Variants in AGBL4 observed in about 807,000 individuals in gnomAD.
AGBL4 encodes the protein AGBL carboxypeptidase 4.
Under a neutral mutation model 66.4 loss-of-function variants are expected in AGBL4, and 58 were observed. That is an observed-to-expected ratio of 0.87 (90% confidence interval 0.71 to 1.09). AGBL4 has a LOEUF of 1.09. AGBL4 is among the 50% of genes least tolerant of loss of function. The pLI is 0.00. For missense variants in AGBL4, 579 were observed against 631.0 expected, an observed-to-expected ratio of 0.92 and a Z score of 0.88; for synonymous variants, 234 against 222.9, an observed-to-expected ratio of 1.05 and a Z score of -0.44.
intron 3 of AGBL4, among the ~76,000 whole-genome samples, chr1:49,246,614 C>G (rs1390281467): frequency 6.6e-6 from 1 of 151,684 alleles, no homozygotes; most frequent in Non-Finnish European, 1.5e-5. Flanking sequence ...ATTCTAGATG[C>G]CTTTCCAAGA....
rs796242944 is a variant in AGBL4, at chr1:49,940,367, C to T, written c.34+83396G>A. On this transcript the variant is annotated intron_variant, in intron 1 of 13. Coordinates refer to ENST00000371839, the MANE Select transcript of AGBL4 (RefSeq NM_032785.4). ...CATTACTGGGTATATACCCAAAGGACTATAAATCATGCTGCTATAAAGACA... is the reference window on the plus strand; with the variant it reads ...CATTACTGGGTATATACCCAAAGGATTATAAATCATGCTGCTATAAAGACA... 5.1e-4 allele frequency among the ~76,000 whole-genome samples: 77 copies of T among 152,190 alleles called. 1 individual carries two copies. In the South Asian group the frequency reaches 0.014, roughly 27 times the overall value.
At chr1:48,654,752 G>A (rs527916156) in intron 7 of AGBL4, among the ~76,000 whole-genome samples, 2 of 152,374 alleles carry the variant, frequency 1.3e-5, no homozygotes, top group African/African-American at 4.8e-5. Flanking sequence ...TGTGACCAGT[G>A]AGGGACATCT....
intron 6 of AGBL4, among the ~76,000 whole-genome samples, chr1:48,846,549 T>G (rs906092128): frequency 2.6e-5 from 4 of 152,244 alleles, no homozygotes; most frequent in Non-Finnish European, 4.4e-5. Flanking sequence ...TATTGCTTCA[T>G]TGCCTATAAT....
chr1:49,133,715 C>T (rs76894718), intron 4 of AGBL4, among the ~76,000 whole-genome samples: 1 of 151,938 alleles, frequency 6.6e-6, no homozygotes, highest in Non-Finnish European at 1.5e-5. Flanking sequence ...TCGGTAATAT[C>T]CCTGCTAAAT....
intron 1 of AGBL4, among the ~76,000 whole-genome samples, chr1:50,013,210 G>T (rs535381166): frequency 6.6e-6 from 1 of 152,256 alleles, no homozygotes; most frequent in Admixed American, 6.5e-5. Flanking sequence ...TTTAAAGGAA[G>T]AAATAGTCCT....
intron 6 of AGBL4, among the ~76,000 whole-genome samples, chr1:48,770,722 C>T (rs1644776807): frequency 6.6e-6 from 1 of 152,218 alleles, no homozygotes; most frequent in Non-Finnish European, 1.5e-5. Context: ...CAACCAGCTA[C>T]ACTTCCAGGG....
At chr1:49,233,389 CTAAA>C (rs1401081864) in intron 4 of AGBL4, among the ~76,000 whole-genome samples, 3 of 152,144 alleles carry the variant, frequency 2.0e-5, no homozygotes, top group African/African-American at 7.2e-5. Flanking sequence ...AAGAAATAGA[CTAAA>C]TAGAGTGAAT....
chr1:48,716,939 C>A (rs1441078662), intron 6 of AGBL4, among the ~76,000 whole-genome samples: 5 of 152,200 alleles, frequency 3.3e-5, no homozygotes, highest in Non-Finnish European at 7.3e-5. Flanking sequence ...AACTCACATT[C>A]CTATATTTTA....
chr1:49,549,304 T>G (rs1276398816), intron 3 of AGBL4, among the ~76,000 whole-genome samples: 1 of 151,658 alleles, frequency 6.6e-6, no homozygotes, highest in Non-Finnish European at 1.5e-5. Context: ...CTTGGTTATT[T>G]CCTTTTTTTC....
Position 49,730,207 on chromosome 1 carries a change from T to C in AGBL4, c.158-32770A>G, listed in dbSNP as rs991079685. Among the ~76,000 whole-genome samples, 6 of 152,080 alleles carry C rather than the reference T, an allele frequency of 3.9e-5. 1 individual carries two copies. The highest frequency in any genetic ancestry group is 8.8e-5 in the Non-Finnish European group (6 of 68,028). On this transcript the variant is annotated intron_variant, in intron 2 of 13. Transcript: ENST00000371839. The stretch of plus-strand genomic sequence containing the variant: ...GCTTTCCTGTCACTCAATAAAATTA[T>C]TTTCTGCCTTGCTCATTCTCCAGTG...
At chr1:48,956,765 A>G (rs1445384617) in intron 5 of AGBL4, among the ~76,000 whole-genome samples, 1 of 152,216 alleles carries the variant, frequency 6.6e-6, no homozygotes, top group East Asian at 1.9e-4. Flanking sequence ...TGCTGACTAG[A>G]ATAGCAGGCA....
intron 6 of AGBL4, among the ~76,000 whole-genome samples, chr1:48,772,187 G>C (rs1007129229): frequency 3.3e-5 from 5 of 152,204 alleles, no homozygotes; most frequent in African/African-American, 1.2e-4. Flanking sequence ...GCACATTCAT[G>C]ACTAATAAAA....
At chr1:49,785,597 T>C (rs992819619) in intron 2 of AGBL4, among the ~76,000 whole-genome samples, 2 of 151,944 alleles carry the variant, frequency 1.3e-5, no homozygotes, top group African/African-American at 4.8e-5. Context: ...ATGATAACAA[T>C]GATGTTCTGA....
intron 3 of AGBL4, among the ~76,000 whole-genome samples, chr1:49,690,877 C>T (rs937830500): frequency 6.6e-6 from 1 of 152,082 alleles, no homozygotes; most frequent in African/African-American, 2.4e-5. Context: ...ACTATTAACC[C>T]CACTGAATAA....
At chr1:49,766,530 A>C (rs1652744229) in intron 2 of AGBL4, among the ~76,000 whole-genome samples, 1 of 152,112 alleles carries the variant, frequency 6.6e-6, no homozygotes. Context: ...CAATACAAAC[A>C]AAACAACCAG....
intron 5 of AGBL4, among the ~76,000 whole-genome samples, chr1:48,953,227 C>T (rs1256362279): frequency 6.6e-6 from 1 of 152,194 alleles, no homozygotes; most frequent in African/African-American, 2.4e-5. Context: ...CAAAACCATA[C>T]TGCCAAAGTA....
rs72899152 is a variant in AGBL4 at position 48,556,628 on chromosome 1, C to T, written c.1268-16890G>A. 3.8e-3 allele frequency among the ~76,000 whole-genome samples: 586 copies of T among 152,330 alleles called. 3 individuals carry two copies. The highest frequency in any genetic ancestry group is 0.013 in the African/African-American group (561 of 41,572). On this transcript the variant is annotated intron_variant, in intron 11 of 13. Coordinates refer to ENST00000371839, the MANE Select transcript of AGBL4 (RefSeq NM_032785.4). The stretch of plus-strand genomic sequence containing the variant: ...CTACTAATTCTTCAGACGTCAGCTC[C>T]ACTGCCACTTTGGCAAGACAGCCAT...
intron 4 of AGBL4, among the ~76,000 whole-genome samples, chr1:49,096,286 C>T (rs1218211640): frequency 1.3e-5 from 2 of 152,092 alleles, no homozygotes; most frequent in East Asian, 1.9e-4. Context: ...TGTGGCGATT[C>T]CTCAGGGATC....
chr1:49,629,878 A>G (rs1645537515), intron 3 of AGBL4, among the ~76,000 whole-genome samples: 1 of 152,046 alleles, frequency 6.6e-6, no homozygotes, highest in South Asian at 2.1e-4. Flanking sequence ...AAAGATAGTG[A>G]CTTTTGGGGG....
Sources: allele counts gnomAD v4.1 joint callset (sites outside exome capture counted in the v4.1 genomes callset), GRCh38; gene constraint gnomAD v4.1.1; transcripts MANE v1.5; gene names NCBI Gene and HGNC (gene_info 2026-07-23, HGNC 2026-07-21).